The following B3GALT1 variants were observed in gnomAD, a reference collection of about 807,000 sequenced individuals.
B3GALT1 encodes UDP-Gal:betaGlcNAc beta 1,3-galactosyltransferase, polypeptide 1.
In B3GALT1, 10 loss-of-function variants were observed where a neutral mutation model predicts 23.2. The ratio of observed to expected loss-of-function variants is 0.43; its 90% CI spans 0.27 to 0.73. The LOEUF (loss-of-function observed/expected upper bound fraction) is 0.73, where lower values mean the gene tolerates loss of function less well. Ranked by LOEUF, B3GALT1 falls within the 30% of genes least tolerant of loss-of-function variation. B3GALT1 has a pLI of 0.21. For synonymous variants in B3GALT1, 156 were observed against 141.5 expected, an observed-to-expected ratio of 1.10 and a Z score of -0.73; for missense variants, 299 against 405.4, an observed-to-expected ratio of 0.74 and a Z score of 2.25.
chr2:167,353,608 A>G (rs985055640), intron 1 of B3GALT1, among the ~76,000 whole-genome samples: 4 of 152,206 alleles, frequency 2.6e-5, no homozygotes, highest in African/African-American at 9.6e-5. Context: ...AAGTACAAGT[A>G]TCATCAGGGA....
At chr2:167,423,745 A>G (rs1040476113) in intron 1 of B3GALT1, among the ~76,000 whole-genome samples, 2 of 152,186 alleles carry the variant, frequency 1.3e-5, no homozygotes, top group Admixed American at 1.3e-4. Context: ...TGCTAACTAG[A>G]GGCCAGCCTT....
intron 3 of B3GALT1, among the ~76,000 whole-genome samples, chr2:167,745,844 A>G (rs2105280958): frequency 6.8e-6 from 1 of 147,612 alleles, no homozygotes; most frequent in East Asian, 1.9e-4. Flanking sequence ...AAATTTTTCA[A>G]TTAATTATTG....
At chr2:167,462,353 A>G (rs1699270841) in intron 1 of B3GALT1, among the ~76,000 whole-genome samples, 3 of 152,320 alleles carry the variant, frequency 2.0e-5, no homozygotes, top group South Asian at 2.1e-4. Flanking sequence ...ATAAAATTTG[A>G]AAGTCCTTGA....
chr2:167,455,901 C>T (rs1699162655), intron 1 of B3GALT1, among the ~76,000 whole-genome samples: 1 of 152,032 alleles, frequency 6.6e-6, no homozygotes. Context: ...ATGTTTTAGT[C>T]CCTTAAAAAT....
At chr2:167,576,905 C>T (rs894512086) in intron 2 of B3GALT1, among the ~76,000 whole-genome samples, 3 of 151,710 alleles carry the variant, frequency 2.0e-5, no homozygotes, top group Non-Finnish European at 4.4e-5. Context: ...CCAAATATCA[C>T]AGCTTTTAAG....
At chr2:167,443,285 G>A (rs913349938) in intron 1 of B3GALT1, among the ~76,000 whole-genome samples, 75 of 152,274 alleles carry the variant, frequency 4.9e-4, no homozygotes, top group Non-Finnish European at 8.8e-4. Context: ...TAGCCTTGTA[G>A]TATAGTTTGA....
At chr2:167,328,328 T>G (rs555493130) in intron 1 of B3GALT1, among the ~76,000 whole-genome samples, 4 of 152,196 alleles carry the variant, frequency 2.6e-5, no homozygotes, top group Non-Finnish European at 5.9e-5. Flanking sequence ...TTGGTAGAAT[T>G]TGGCAGTGAA....
At chr2:167,746,658 T>A (rs990055365) in intron 3 of B3GALT1, among the ~76,000 whole-genome samples, 2 of 152,322 alleles carry the variant, frequency 1.3e-5, no homozygotes, top group South Asian at 2.1e-4. Context: ...ATTAATAATA[T>A]CTGGTAAATA....
rs1248119649 is a variant in B3GALT1, at chr2:167,421,650, G to A, written c.-510-68527G>A. On this transcript the variant is annotated intron_variant, in intron 1 of 4. Coordinates refer to ENST00000392690, the MANE Select transcript of B3GALT1 (RefSeq NM_020981.4). The stretch of plus-strand genomic sequence containing the variant: ...TCACTCTTCCAGTCTCATTATTTCA[G>A]CTAAATCCACAGAGCTGATAAAAAT... 5.9e-5 allele frequency among the ~76,000 whole-genome samples: 9 copies of A among 152,202 alleles called. No individual in the cohort carries two copies. In the East Asian group the frequency reaches 1.7e-3, roughly 29 times the overall value.
At chr2:167,793,310 A>G (rs55934265) in intron 3 of B3GALT1, among the ~76,000 whole-genome samples, 3,888 of 152,286 alleles carry the variant, frequency 0.026, 123 homozygotes, top group South Asian at 0.068. Context: ...ATCTCAAGTC[A>G]CAGTGCCAGA....
At chr2:167,838,142 C>T (rs1380885815) in intron 4 of B3GALT1, among the ~76,000 whole-genome samples, 1 of 151,060 alleles carries the variant, frequency 6.6e-6, no homozygotes, top group Non-Finnish European at 1.5e-5. Flanking sequence ...CAAACACATT[C>T]AAAAGCTAGC....
intron 1 of B3GALT1, among the ~76,000 whole-genome samples, chr2:167,351,738 A>G (rs1470150357): frequency 6.6e-6 from 1 of 152,124 alleles, no homozygotes; most frequent in Non-Finnish European, 1.5e-5. Flanking sequence ...AAATGATTCA[A>G]TTTTCTTTCT....
At chr2:167,821,241 C>G (rs182378034) in intron 4 of B3GALT1, among the ~76,000 whole-genome samples, 1 of 152,082 alleles carries the variant, frequency 6.6e-6, no homozygotes, top group Non-Finnish European at 1.5e-5. Context: ...GCAACAGAAG[C>G]TAGTGAAAAG....
At chr2:167,846,173 C>T (rs149075110) in intron 4 of B3GALT1, among the ~76,000 whole-genome samples, 2 of 152,216 alleles carry the variant, frequency 1.3e-5, no homozygotes, top group East Asian at 3.9e-4. Context: ...GCTTGGAAAC[C>T]ATGTTTGGGA....
chr2:167,461,091 C>T (rs1290756846), intron 1 of B3GALT1, among the ~76,000 whole-genome samples: 3 of 152,134 alleles, frequency 2.0e-5, no homozygotes, highest in South Asian at 2.1e-4. Context: ...AATGGCCACT[C>T]ATTTGATTGT....
intron 3 of B3GALT1, among the ~76,000 whole-genome samples, chr2:167,765,878 A>T (rs1019611391): frequency 1.3e-5 from 2 of 152,242 alleles, no homozygotes; most frequent in Non-Finnish European, 2.9e-5. Context: ...GGCTTTCCTC[A>T]TACCTGGCTA....
chr2:167,348,990 G>A (rs530475525), intron 1 of B3GALT1, among the ~76,000 whole-genome samples: 11 of 152,188 alleles, frequency 7.2e-5, no homozygotes, highest in South Asian at 2.1e-4. Context: ...GAGGCACACC[G>A]TATATATTTG....
intron 3 of B3GALT1, among the ~76,000 whole-genome samples, chr2:167,707,885 G>C (rs966061912): frequency 2.6e-5 from 4 of 152,206 alleles, no homozygotes; most frequent in South Asian, 2.1e-4. Context: ...AGTTACATTG[G>C]TAATGGCCTC....
chr2:167,714,863 G>T, intron 3 of B3GALT1: 1 of 1,608,644 alleles, frequency 6.2e-7, no homozygotes, highest in South Asian at 1.1e-5. Context: ...TTCTTCTATT[G>T]TCAATTTCCT....
Sources: allele counts gnomAD v4.1 joint callset (sites outside exome capture counted in the v4.1 genomes callset), GRCh38; gene constraint gnomAD v4.1.1; transcripts MANE v1.5; gene names NCBI Gene and HGNC (gene_info 2026-07-23, HGNC 2026-07-21).